The following ENOX1 variants were observed in gnomAD, a reference collection of about 807,000 sequenced individuals.
The protein encoded by ENOX1 is candidate growth-related and time keeping constitutive hydroquinone (NADH) oxidase.
A neutral mutation model predicts 82.5 loss-of-function variants in ENOX1; 42 were observed. The observed-to-expected ratio is 0.51, with a 90% CI of 0.40 to 0.66. The LOEUF (loss-of-function observed/expected upper bound fraction) is 0.66. Among genes scored for constraint, ENOX1 ranks in the 30% least tolerant of loss-of-function variants. ENOX1 has a pLI of 0.00. For missense variants in ENOX1, 608 were observed against 811.6 expected, an observed-to-expected ratio of 0.75 and a Z score of 3.05; for synonymous variants, 271 against 282.2, an observed-to-expected ratio of 0.96 and a Z score of 0.40.
intron 1 of ENOX1, among the ~76,000 whole-genome samples, chr13:43,705,589 T>C (rs531456103): frequency 2.6e-4 from 40 of 152,046 alleles, no homozygotes; most frequent in African/African-American, 9.4e-4. Context: ...AAAATGAGGG[T>C]AATTTCATAA....
intron 2 of ENOX1, among the ~76,000 whole-genome samples, chr13:43,603,363 CT>C (rs2081817563): frequency 7.9e-6 from 1 of 125,834 alleles, no homozygotes; most frequent in African/African-American, 3.6e-5. Context: ...CTTTTTTTTC[CT>C]TTTATTTATT....
At chr13:43,457,283 T>A (rs1275990300) in intron 3 of ENOX1, among the ~76,000 whole-genome samples, 1 of 152,222 alleles carries the variant, frequency 6.6e-6, no homozygotes, top group African/African-American at 2.4e-5. Flanking sequence ...AGTAACCACC[T>A]CACAACTACT....
At chr13:43,600,503 G>C (rs1437335459) in intron 2 of ENOX1, among the ~76,000 whole-genome samples, 1 of 152,194 alleles carries the variant, frequency 6.6e-6, no homozygotes, top group East Asian at 1.9e-4. Flanking sequence ...TTGGGTGCCA[G>C]CTTAGCTACA....
intron 12 of ENOX1, among the ~76,000 whole-genome samples, chr13:43,282,976 C>T (rs868348770): frequency 2.6e-5 from 4 of 151,568 alleles, no homozygotes; most frequent in South Asian, 2.1e-4. Context: ...CCCAGCTGCT[C>T]GGGAGCTGAG....
intron 3 of ENOX1, among the ~76,000 whole-genome samples, chr13:43,420,878 G>T (rs912970726): frequency 6.6e-6 from 1 of 152,114 alleles, no homozygotes; most frequent in East Asian, 1.9e-4. Context: ...ACATGATAAC[G>T]CATGATAAAG....
intron 3 of ENOX1, among the ~76,000 whole-genome samples, chr13:43,477,168 CATATAT>C (rs3044072): frequency 6.8e-6 from 1 of 147,760 alleles, no homozygotes; most frequent in Non-Finnish European, 1.5e-5. Flanking sequence ...TATACACATA[CATATAT>C]ATATATAGTA....
At chr13:43,655,655 T>C (rs1339122995) in intron 2 of ENOX1, among the ~76,000 whole-genome samples, 1 of 152,212 alleles carries the variant, frequency 6.6e-6, no homozygotes, top group Non-Finnish European at 1.5e-5. Flanking sequence ...ACCCCAGTTC[T>C]ACAAGTCCAC....
chr13:43,410,457 A>C (rs995008631), intron 5 of ENOX1, among the ~76,000 whole-genome samples: 1 of 152,140 alleles, frequency 6.6e-6, no homozygotes, highest in Admixed American at 6.6e-5. Flanking sequence ...CATTTTGAAG[A>C]ACTTAATAAA....
intron 8 of ENOX1, among the ~76,000 whole-genome samples, chr13:43,354,901 G>T (rs1166983588): frequency 1.3e-5 from 2 of 152,108 alleles, no homozygotes; most frequent in African/African-American, 2.4e-5. Flanking sequence ...TTCAAATTAT[G>T]CCTCCTCTAT....
intron 14 of ENOX1, among the ~76,000 whole-genome samples, chr13:43,246,902 T>G (rs2043110343): frequency 6.6e-6 from 1 of 152,214 alleles, no homozygotes; most frequent in Non-Finnish European, 1.5e-5. Context: ...GAAGCCATTC[T>G]GAAGGAAGAA....
At chr13:43,246,977 C>T (rs1287752734) in intron 14 of ENOX1, among the ~76,000 whole-genome samples, 1 of 152,200 alleles carries the variant, frequency 6.6e-6, no homozygotes, top group African/African-American at 2.4e-5. Context: ...GTCAGGTCTA[C>T]ACAGCTAGCA....
chr13:43,472,806 C>G (rs17064639), intron 3 of ENOX1, among the ~76,000 whole-genome samples: 2 of 152,006 alleles, frequency 1.3e-5, no homozygotes, highest in African/African-American at 4.8e-5. Context: ...AAGCTGGGTA[C>G]GGAAATTTCA....
intron 2 of ENOX1, among the ~76,000 whole-genome samples, chr13:43,615,062 T>C (rs1046500415): frequency 5.3e-5 from 8 of 152,148 alleles, no homozygotes; most frequent in Non-Finnish European, 8.8e-5. Flanking sequence ...AGGATTCTTA[T>C]GTACAGGGCT....
chr13:43,690,067 T>C (rs2086274480), intron 1 of ENOX1, among the ~76,000 whole-genome samples: 1 of 152,144 alleles, frequency 6.6e-6, no homozygotes, highest in South Asian at 2.1e-4. Flanking sequence ...CCAAGAGATC[T>C]CAGCTAGGAA....
chr13:43,732,357 TCA>T (rs1373977198), intron 1 of ENOX1, among the ~76,000 whole-genome samples: 2 of 152,372 alleles, frequency 1.3e-5, no homozygotes, highest in East Asian at 3.9e-4. Flanking sequence ...TGTATTCATT[TCA>T]CACTGTTTGT....
At chr13:43,219,998 G>A (rs1266925242) in intron 16 of ENOX1, among the ~76,000 whole-genome samples, 1 of 152,194 alleles carries the variant, frequency 6.6e-6, no homozygotes, top group Non-Finnish European at 1.5e-5. Context: ...CCTGGGCAGG[G>A]CACAGTGTTA....
intron 3 of ENOX1, among the ~76,000 whole-genome samples, chr13:43,419,857 G>T (rs1478653213): frequency 3.9e-5 from 6 of 152,108 alleles, no homozygotes; most frequent in Admixed American, 6.5e-5. Context: ...TGTAGTCCCA[G>T]CTACCTGGGA....
At chr13:43,274,762 C>T (rs984283310) in intron 12 of ENOX1, among the ~76,000 whole-genome samples, 17 of 152,106 alleles carry the variant, frequency 1.1e-4, no homozygotes, top group African/African-American at 1.9e-4. Context: ...AACACTTGGG[C>T]GGACCATAAG....
intron 14 of ENOX1, among the ~76,000 whole-genome samples, chr13:43,258,586 A>G (rs1047658958): frequency 1.3e-5 from 2 of 152,176 alleles, no homozygotes; most frequent in Non-Finnish European, 1.5e-5. Context: ...TAAAGGAAAT[A>G]TTAGTCCACG....
Sources: allele counts gnomAD v4.1 joint callset (sites outside exome capture counted in the v4.1 genomes callset), GRCh38; gene constraint gnomAD v4.1.1; transcripts MANE v1.5; gene names NCBI Gene and HGNC (gene_info 2026-07-23, HGNC 2026-07-21).